IL4I1: variants seen among roughly 807,000 people sequenced by gnomAD.
IL4I1 encodes the protein L-amino-acid oxidase.
Under a neutral mutation model 29.7 loss-of-function variants are expected in IL4I1, and 24 were observed. That is an observed-to-expected ratio of 0.81 (90% confidence interval 0.59 to 1.14). The LOEUF (loss-of-function observed/expected upper bound fraction) is 1.14, where lower values mean the gene tolerates loss of function less well. Among genes scored for constraint, IL4I1 ranks in the 50% most tolerant of loss-of-function variants. The probability of loss-of-function intolerance (pLI) is 0.00; values close to 1 mark genes in which losing one functional copy is unlikely to be tolerated. For synonymous variants in IL4I1, 371 were observed against 352.5 expected (o/e 1.05, Z -0.59); for missense variants, 686 against 785.6 (o/e 0.87, Z 1.52).
chr19:49,916,657 G>C (rs2075631639), intron 2 of IL4I1, among the ~76,000 whole-genome samples: 1 of 151,884 alleles, frequency 6.6e-6, no homozygotes, highest in South Asian at 2.1e-4. Context: ...CCAGCTACTC[G>C]GGAGGCTGAG....
upstream of IL4I1, among the ~76,000 whole-genome samples, chr19:49,897,136 G>A (rs2075220880): frequency 1.3e-5 from 2 of 152,164 alleles, no homozygotes; most frequent in African/African-American, 2.4e-5. Context: ...TGCCAACAAC[G>A]GGGAATCCCC....
chr19:49,899,305 C>T (rs958795833), upstream of IL4I1, among the ~76,000 whole-genome samples: 9 of 152,190 alleles, frequency 5.9e-5, no homozygotes, highest in African/African-American at 1.9e-4. Flanking sequence ...ATCCCCTTGT[C>T]CTTATCACAG....
At chr19:49,913,975 C>T (rs1303075191) in intron 2 of IL4I1, among the ~76,000 whole-genome samples, 4 of 152,040 alleles carry the variant, frequency 2.6e-5, no homozygotes, top group Admixed American at 6.6e-5. Context: ...GCCTGAGGCC[C>T]GAACTGGAAC....
intron 2 of IL4I1, chr19:49,906,906 A>C (rs1215007595): frequency 6.6e-6 from 1 of 152,440 alleles, no homozygotes; most frequent in African/African-American, 2.4e-5. Context: ...TATAAAGACA[A>C]ATACAAAAGA....
chr19:49,913,973 C>T (rs1272818461), intron 2 of IL4I1, among the ~76,000 whole-genome samples: 1 of 152,122 alleles, frequency 6.6e-6, no homozygotes, highest in Non-Finnish European at 1.5e-5. Flanking sequence ...GAGCCTGAGG[C>T]CCGAACTGGA....
intron 5 of IL4I1, among the ~76,000 whole-genome samples, chr19:49,893,985 C>CAAAAAAA (rs996597872): frequency 1.0e-4 from 2 of 19,672 alleles, no homozygotes; most frequent in Non-Finnish European, 2.0e-4. Flanking sequence ...GACTCCATCT[C>CAAAAAAA]AAAAAAAAAA....
Position 49,919,914 on chromosome 19 carries a change from C to T in IL4I1, c.-228+7780G>A, listed in dbSNP as rs1279063341. Among the ~76,000 whole-genome samples the T allele has an allele frequency of 3.3e-5, 5 of 152,162 alleles. No individual in the cohort carries two copies. In the East Asian group the frequency reaches 9.6e-4, roughly 29 times the overall value. ...GTATTGAAAGTTTTTTCCCCTCTAC[C>T]TACTGCATTAAAAAAAAATTTTTTT... On this transcript the variant is annotated intron_variant, in intron 2 of 9. Coordinates refer to the IL4I1 transcript ENST00000341114.
At chr19:49,890,931 C>CCG in intron 7 of IL4I1, 40 bp downstream of exon 7, 5 of 402,762 alleles carry the variant, frequency 1.2e-5, no homozygotes, top group Non-Finnish European at 2.1e-5. Flanking sequence ...CCCTGATTGC[C>CCG]CCCCGCCCCC....
At chr19:49,925,540 T>C (rs564471772) in intron 2 of IL4I1, among the ~76,000 whole-genome samples, 171 of 151,630 alleles carry the variant, frequency 1.1e-3, no homozygotes, top group African/African-American at 3.9e-3. Context: ...GCACATTCCA[T>C]AAAATACCCA....
At chr19:49,897,629 G>A (rs961114957), upstream of IL4I1, among the ~76,000 whole-genome samples, 9 of 152,204 alleles carry the variant, frequency 5.9e-5, 1 homozygote, top group Admixed American at 1.3e-4. Flanking sequence ...GTGACCACCC[G>A]GCAGAGGGAA....
intron 2 of IL4I1, among the ~76,000 whole-genome samples, chr19:49,924,505 G>A (rs528693860): frequency 4.7e-4 from 72 of 152,192 alleles, no homozygotes; most frequent in Non-Finnish European, 4.4e-4. Flanking sequence ...TGCAACCACC[G>A]CCTCACTCCC....
At chr19:49,919,053 T>C (rs2075699856) in intron 2 of IL4I1, among the ~76,000 whole-genome samples, 1 of 152,104 alleles carries the variant, frequency 6.6e-6, no homozygotes, top group Non-Finnish European at 1.5e-5. Context: ...CTCGGGAGGC[T>C]GAGGCAGGAG....
intron 1 of IL4I1, 80 bp from the exon 2 acceptor site, chr19:49,896,262 C>G: frequency 6.9e-7 from 1 of 1,444,318 alleles, no homozygotes; most frequent in East Asian, 2.5e-5. Flanking sequence ...CATGGGCTGC[C>G]CAGCTGCTAG....
At chr19:49,899,718 G>C (rs1568689946), upstream of IL4I1, among the ~76,000 whole-genome samples, 1 of 151,942 alleles carries the variant, frequency 6.6e-6, no homozygotes, top group African/African-American at 2.4e-5. Flanking sequence ...CACCACGTCC[G>C]GCTAATTTTT....
At chr19:49,919,207 G>A (rs1203862891) in intron 2 of IL4I1, among the ~76,000 whole-genome samples, 6 of 152,176 alleles carry the variant, frequency 3.9e-5, no homozygotes, top group African/African-American at 1.4e-4. Flanking sequence ...CATTGTTGTA[G>A]CTCAAAAGGT....
At position 49,895,161 on chromosome 19, in the gene IL4I1, T is replaced by C. The variant is rs1353239371; in HGVS notation, c.272A>G (p.Asp91Gly). ...AGHKVTILEA[D>G]NRIGGRIFTY... ...GAAGATGCGGCCCCCGATCCTGTTA[T>C]CTGCCTCCAGGATGGTGACCTGAGG... Residue 91 changes from aspartate to glycine, a missense_variant, in exon 4 of 8, where the codon GAT becomes GGT. Transcript: ENST00000391826. 6.2e-7 allele frequency: 1 copy of C among 1,613,814 alleles called. No homozygotes were observed. Among genetic ancestry groups the C allele is most frequent in the Non-Finnish European group, 8.5e-7 (1 of 1,179,812 alleles).
intron 2 of IL4I1, chr19:49,909,799 C>A (rs1271818934): frequency 1.2e-6 from 2 of 1,613,984 alleles, no homozygotes; most frequent in Admixed American, 1.7e-5. Context: ...CAAAATTAAA[C>A]CCGCTCATGG....
chr19:49,896,101 G>T (rs1483565750), intron 2 of IL4I1, 47 bp downstream of exon 2: 1 of 1,585,328 alleles, frequency 6.3e-7, no homozygotes, highest in African/African-American at 1.4e-5. Context: ...GGTCGGGGGA[G>T]AGGGGTTCTA....
chr19:49,894,289 G>A lies in IL4I1; in HGVS notation c.546C>T (p.Ile182=), dbSNP rs1269513019. ...PQEKGHSPED[I]YQMALNQALK... ...CCACCTGGTTGAGAGCCATCTGGTAGATGTCTTCGGGCGAGTGGCCCTTTT... is the reference window on the plus strand; with the variant it reads ...CCACCTGGTTGAGAGCCATCTGGTAAATGTCTTCGGGCGAGTGGCCCTTTT... Residue 182 remains isoleucine, a synonymous_variant, in exon 5 of 8, where the codon ATC becomes ATT. Coordinates refer to ENST00000391826, the MANE Select transcript of IL4I1 (RefSeq NM_152899.2). The A allele has an allele frequency of 6.2e-7, 1 of 1,613,998 alleles. No homozygotes were observed. Among genetic ancestry groups the A allele is most frequent in the Admixed American group, 1.7e-5 (1 of 59,996 alleles).
Sources: allele counts gnomAD v4.1 joint callset (sites outside exome capture counted in the v4.1 genomes callset), GRCh38; gene constraint gnomAD v4.1.1; transcripts MANE v1.5; gene names NCBI Gene and HGNC (gene_info 2026-07-23, HGNC 2026-07-21).